Variants in HIVEP1 observed in about 807,000 individuals in gnomAD.
The protein encoded by HIVEP1 is HIVEP zinc finger 1.
A neutral mutation model predicts 180.0 loss-of-function variants in HIVEP1; 36 were observed. That is an observed-to-expected ratio of 0.20 (90% confidence interval 0.15 to 0.26). The LOEUF (loss-of-function observed/expected upper bound fraction) is 0.26, where lower values mean the gene tolerates loss of function less well. Among genes scored for constraint, HIVEP1 ranks in the 10% least tolerant of loss-of-function variants. The probability of loss-of-function intolerance (pLI) is 1.00; values close to 1 mark genes in which losing one functional copy is unlikely to be tolerated. For missense variants in HIVEP1, 3,143 were observed against 3,268.7 expected, an observed-to-expected ratio of 0.96 and a Z score of 0.94; for synonymous variants, 1,239 against 1,239.0, an observed-to-expected ratio of 1.00 and a Z score of 0.00.
intron 2 of HIVEP1, among the ~76,000 whole-genome samples, chr6:12,017,974 C>T (rs1767932723): frequency 6.6e-6 from 1 of 152,210 alleles, no homozygotes; most frequent in South Asian, 2.1e-4. Context: ...GAACAGGGGG[C>T]AGCGCTCATC....
chr6:12,164,645 A>G lies in HIVEP1; in HGVS notation c.*184A>G. ...AGCCATTTTTGTACATGTTGTATAGACAATTGTGCCTTTTAGGAGCTTTAT... is the reference window on the plus strand; with the variant it reads ...AGCCATTTTTGTACATGTTGTATAGGCAATTGTGCCTTTTAGGAGCTTTAT... On this transcript the variant is annotated 3_prime_UTR_variant, in exon 9 of 9. Transcript: ENST00000379388. The G allele has an allele frequency of 3.7e-6, 2 of 544,890 alleles. No individual in the cohort carries two copies. Among genetic ancestry groups the G allele is most frequent in the Admixed American group, 7.2e-5 (2 of 27,908 alleles). The allele number at this position is 544,890 out of a possible 1,614,324, so 33.8% of individuals were successfully genotyped here. A position where few individuals can be genotyped will look rare whatever the true frequency, so the allele number is the denominator to read the frequency against.
At chr6:12,112,886 T>C (rs890045533) in intron 3 of HIVEP1, among the ~76,000 whole-genome samples, 1 of 152,118 alleles carries the variant, frequency 6.6e-6, no homozygotes, top group Non-Finnish European at 1.5e-5. Context: ...CTGCCTCCCC[T>C]GGGGTAGAGG....
chr6:12,083,182 T>G (rs979288852), intron 2 of HIVEP1, among the ~76,000 whole-genome samples: 3 of 152,158 alleles, frequency 2.0e-5, no homozygotes, highest in African/African-American at 7.2e-5. Flanking sequence ...TTCTACACAT[T>G]CATCTTCATG....
In HIVEP1 at chr6:12,125,088, G is replaced by T; in HGVS notation, c.5293G>T (p.Ala1765Ser). The change falls in exon 4 of 9, where the codon GCC becomes TCC. Residue 1765 changes from alanine (A) to serine (S), a missense_variant. Coordinates refer to ENST00000379388, the MANE Select transcript of HIVEP1 (RefSeq NM_002114.4). The stretch of plus-strand genomic sequence containing the variant: ...TGCCATGGAAAAGCACCAGAAGCGG[G>T]CCAAAGATGAAAATGGAGCTGTTTG... ...DIAMEKHQKRAKDENGAVCAT... is the reference protein window; with the variant it reads ...DIAMEKHQKRSKDENGAVCAT... The T allele has an allele frequency of 6.2e-7, 1 of 1,613,708 alleles. No homozygotes were observed. The highest frequency in any genetic ancestry group is 8.5e-7 in the Non-Finnish European group (1 of 1,179,904).
At chr6:12,031,815 A>G (rs1768964457) in intron 2 of HIVEP1, among the ~76,000 whole-genome samples, 1 of 152,050 alleles carries the variant, frequency 6.6e-6, no homozygotes, top group African/African-American at 2.4e-5. Context: ...CGTTTTGTGG[A>G]GAGGATTTGT....
intron 2 of HIVEP1, among the ~76,000 whole-genome samples, chr6:12,030,520 G>A (rs908096801): frequency 1.1e-4 from 17 of 151,906 alleles, no homozygotes; most frequent in Middle Eastern, 3.2e-3. Flanking sequence ...TCAAATATAT[G>A]GATTGTTTCT....
intron 2 of HIVEP1, among the ~76,000 whole-genome samples, chr6:12,033,790 T>G (rs1769108152): frequency 6.6e-6 from 1 of 152,238 alleles, no homozygotes; most frequent in African/African-American, 2.4e-5. Context: ...TCTAGACACT[T>G]CTTGTTCCTT....
Position 12,017,076 on chromosome 6 carries a change from C to A in HIVEP1, c.40+1408C>A, listed in dbSNP as rs186757922. Among the ~76,000 whole-genome samples, 26 of 152,228 alleles carry A rather than the reference C, an allele frequency of 1.7e-4. No individual in the cohort carries two copies. The East Asian group carries it at 4.0e-3, about 24-fold the overall frequency. On this transcript the variant is annotated intron_variant, in intron 2 of 8. Transcript: ENST00000379388. ...TGATCTGAAGGTGTTATTTATTAGG[C>A]CATAAGTATTAAACATTTTTCATAT... is the stretch of plus-strand genomic sequence containing the variant.
At chr6:12,189,334 A>G in the HIVEP1 span, among the ~76,000 whole-genome samples, 1 of 152,090 alleles carries the variant, frequency 6.6e-6, no homozygotes, top group African/African-American at 2.4e-5. Flanking sequence ...AGACTAATAA[A>G]TTTGATGACA....
chr6:12,015,473 T>A (rs1767681063), intron 1 of HIVEP1, 53 bp from the exon 2 acceptor site: 11 of 629,712 alleles, frequency 1.7e-5, no homozygotes. Flanking sequence ...TTTTAAAGTA[T>A]CTTTCTCCTC....
intron 2 of HIVEP1, among the ~76,000 whole-genome samples, chr6:12,016,453 T>G (rs1322768730): frequency 6.6e-6 from 1 of 152,238 alleles, no homozygotes; most frequent in Non-Finnish European, 1.5e-5. Flanking sequence ...TATGAAATAT[T>G]TACCATTACA....
chr6:12,108,285 T>C (rs1167872419), intron 3 of HIVEP1, among the ~76,000 whole-genome samples: 2 of 152,294 alleles, frequency 1.3e-5, no homozygotes, highest in East Asian at 3.9e-4. Flanking sequence ...ACATAAAGAT[T>C]CTCCGCGTCC....
chr6:12,012,130 CGCCCCCCA>C (rs960711521), upstream of HIVEP1: 1 of 143,898 alleles, frequency 6.9e-6, no homozygotes, highest in African/African-American at 2.5e-5. Flanking sequence ...CCGCGGCGCG[CGCCCCCCA>C]GCCCGGCTGC....
chr6:12,015,601 AG>A lies in HIVEP1; in HGVS notation c.-27del. 6.2e-7 allele frequency: 1 copy of A among 1,607,638 alleles called. No homozygotes were observed. The highest frequency in any genetic ancestry group is 8.5e-7 in the Non-Finnish European group (1 of 1,176,028). On this transcript the variant is annotated 5_prime_UTR_variant, in exon 2 of 9. An upstream open reading frame in the 5' UTR loses its in-frame stop. Coordinates refer to ENST00000379388, the MANE Select transcript of HIVEP1 (RefSeq NM_002114.4). ...CTTGCTTTATCTGCAGTTTTTAAGA[AG>A]AAAAAGAAGGCCCTGAGTCAAAGAA...
At chr6:12,199,826 G>A in the HIVEP1 span, among the ~76,000 whole-genome samples, 2 of 152,164 alleles carry the variant, frequency 1.3e-5, no homozygotes, top group Admixed American at 6.6e-5. Context: ...CTAGTACAGA[G>A]CCTAACCTTT....
At chr6:12,186,792 CA>C in the HIVEP1 span, among the ~76,000 whole-genome samples, 1 of 151,834 alleles carries the variant, frequency 6.6e-6, no homozygotes, top group Non-Finnish European at 1.5e-5. Flanking sequence ...TTGAAATAAA[CA>C]GACCTGAGAT....
upstream of HIVEP1, chr6:12,011,917 C>T (rs939438404): frequency 6.9e-6 from 1 of 144,544 alleles, no homozygotes; most frequent in African/African-American, 2.5e-5. Flanking sequence ...TCCTCCCGCC[C>T]CCGGGGATCC....
At chr6:12,168,334 AT>A (rs1399130196), downstream of HIVEP1, among the ~76,000 whole-genome samples, 2 of 131,648 alleles carry the variant, frequency 1.5e-5, no homozygotes, top group African/African-American at 5.4e-5. Flanking sequence ...ATATTATATA[AT>A]TATATATACA....
the HIVEP1 span, among the ~76,000 whole-genome samples, chr6:12,197,224 C>T: frequency 6.6e-6 from 1 of 152,190 alleles, no homozygotes; most frequent in Non-Finnish European, 1.5e-5. Flanking sequence ...AGAACGACTA[C>T]TGGGATGAAG....
Sources: gnomAD v4.1 joint callset for allele counts (sites outside exome capture counted in the v4.1 genomes callset) on GRCh38, gnomAD v4.1.1 for gene constraint, MANE v1.5 for transcripts, NCBI Gene and HGNC (gene_info 2026-07-23, HGNC 2026-07-21) for gene names.